The following USP54 variants were observed in gnomAD, a reference collection of about 807,000 sequenced individuals.
USP54 encodes ubiquitin specific peptidase 54.
USP54 carries 87 observed loss-of-function variants against 170.5 expected under a neutral mutation model. That is an observed-to-expected ratio of 0.51 (90% CI 0.43 to 0.61). USP54 has a LOEUF of 0.61. USP54 is among the 20% of genes least tolerant of loss of function. The probability of loss-of-function intolerance (pLI) is 0.00; values close to 1 mark genes in which losing one functional copy is unlikely to be tolerated. For synonymous variants in USP54, 655 were observed against 742.8 expected (o/e 0.88, Z 1.92); for missense variants, 1,786 against 2,047.8 (o/e 0.87, Z 2.47).
chr10:73,582,372 G>T (rs1321623007), intron 1 of USP54, among the ~76,000 whole-genome samples: 1 of 151,808 alleles, frequency 6.6e-6, no homozygotes, highest in African/African-American at 2.4e-5. Context: ...AGTGTGGGAA[G>T]TTTCTAAGGA....
At chr10:73,564,056 T>C (rs767938638) in intron 4 of USP54, among the ~76,000 whole-genome samples, 2 of 151,418 alleles carry the variant, frequency 1.3e-5, no homozygotes, top group African/African-American at 2.4e-5. Context: ...GGCTGGAGTA[T>C]AGTGGCACAA....
At position 73,498,179 on chromosome 10, in the gene USP54, C is replaced by G. The variant is rs1171751968; in HGVS notation, c.*450G>C. 6.5e-6 allele frequency: 1 copy of G among 152,862 alleles called. No individual in the cohort carries two copies. Among genetic ancestry groups the G allele is most frequent in the Non-Finnish European group, 1.5e-5 (1 of 68,600 alleles). The allele number at this position is 152,862 out of a possible 1,614,324, so 9.5% of individuals were successfully genotyped here. ...ACATCTTTTTAGAGGTTCCTGACAC[C>G]CTTAGGAGAACCCACCAATTCTATG... On this transcript the variant is annotated 3_prime_UTR_variant, in exon 24 of 24. Transcript: ENST00000687698.
chr10:73,621,236 GAA>G (rs796534655), intron 1 of USP54, among the ~76,000 whole-genome samples: 1 of 142,928 alleles, frequency 7.0e-6, no homozygotes. Flanking sequence ...AATATAGAGT[GAA>G]AAAAAAAACC....
intron 1 of USP54, among the ~76,000 whole-genome samples, chr10:73,587,264 G>A (rs1474140050): frequency 6.6e-6 from 1 of 152,032 alleles, no homozygotes; most frequent in Non-Finnish European, 1.5e-5. Flanking sequence ...ACAAGGTCAG[G>A]AGATCGAGAC....
chr10:73,572,211 T>C (rs1286545223), intron 3 of USP54, among the ~76,000 whole-genome samples: 2 of 152,108 alleles, frequency 1.3e-5, no homozygotes, highest in Non-Finnish European at 2.9e-5. Flanking sequence ...TGATCAGTAC[T>C]CCTCAAAACT....
intron 20 of USP54, among the ~76,000 whole-genome samples, chr10:73,511,622 T>C (rs2133239495): frequency 6.6e-6 from 1 of 151,856 alleles, no homozygotes; most frequent in East Asian, 2.0e-4. Flanking sequence ...GTTGTGCCAC[T>C]GCACTCCAGC....
Position 73,541,660 on chromosome 10 carries a change from G to T in USP54, c.651C>A (p.Ser217Arg). 1 of 1,614,120 alleles carries T rather than the reference G, an allele frequency of 6.2e-7. No homozygotes were observed. Among genetic ancestry groups the T allele is most frequent in the Non-Finnish European group, 8.5e-7 (1 of 1,180,028 alleles). Residue 217 changes from serine to arginine, a missense_variant, in exon 8 of 24, where the codon AGC (serine) becomes AGA (arginine). Ser to Arg is a moderately radical substitution (Grantham distance 110). Around this residue, in one of 3 missense-constraint regions of USP54, gnomAD observed 361 missense variants for 455.0 expected, o/e 0.79. Coordinates refer to ENST00000687698, the MANE Select transcript of USP54 (RefSeq NM_001391956.1). ...GACAGTTCCGCAGATCCCCCATGGTGCTGGCATTCTGCAGCAGCTCACCAA... is the reference window on the plus strand; with the variant it reads ...GACAGTTCCGCAGATCCCCCATGGTTCTGGCATTCTGCAGCAGCTCACCAA... ...SMFGELLQNASTMGDLRNCPS... is the reference protein window; with the variant it reads ...SMFGELLQNARTMGDLRNCPS...
At chr10:73,625,083 A>G (rs2081412588) in intron 1 of USP54, among the ~76,000 whole-genome samples, 1 of 152,158 alleles carries the variant, frequency 6.6e-6, no homozygotes, top group South Asian at 2.1e-4. Context: ...TCATAAGCAC[A>G]CCGTAAAGAA....
chr10:73,615,576 A>T (rs1013445007), intron 1 of USP54, among the ~76,000 whole-genome samples: 1 of 150,344 alleles, frequency 6.7e-6, no homozygotes, highest in Non-Finnish European at 1.5e-5. Context: ...CATCTCATGT[A>T]CCCAATAAAT....
chr10:73,612,098 C>T (rs1431267351), intron 1 of USP54, among the ~76,000 whole-genome samples: 3 of 152,018 alleles, frequency 2.0e-5, no homozygotes, highest in Admixed American at 6.6e-5. Flanking sequence ...GGAAAGAGTT[C>T]GACCCTGTCT....
chr10:73,529,369 A>G (rs1293441389), intron 15 of USP54: 1 of 375,182 alleles, frequency 2.7e-6, no homozygotes, highest in Non-Finnish European at 5.1e-6. Flanking sequence ...TGTGGGTAAC[A>G]AAATAATCTG....
rs564415928 is a variant in USP54 at position 73,562,546 on chromosome 10, T to C, written c.240+8875A>G. ...TATATATAAATGGAATCATGATTCA[T>C]ATAGTCTTCTATGACTTGCTTTTTT... On this transcript the variant is annotated intron_variant, in intron 4 of 23. Coordinates refer to ENST00000687698, the MANE Select transcript of USP54 (RefSeq NM_001391956.1). Among the ~76,000 whole-genome samples, 55 of 152,374 alleles carry C rather than the reference T, an allele frequency of 3.6e-4. 1 individual carries two copies. In the South Asian group the frequency reaches 0.011, roughly 30 times the overall value.
intron 4 of USP54, among the ~76,000 whole-genome samples, chr10:73,554,977 C>A (rs2070593629): frequency 6.6e-6 from 1 of 152,174 alleles, no homozygotes; most frequent in Non-Finnish European, 1.5e-5. Flanking sequence ...GTGGCATATG[C>A]CTGTAGTTTC....
intron 1 of USP54, among the ~76,000 whole-genome samples, chr10:73,603,759 C>G (rs978721790): frequency 3.4e-5 from 5 of 146,514 alleles, no homozygotes; most frequent in African/African-American, 1.0e-4. Context: ...AAAACAAAAA[C>G]AACAAAAAAA....
Position 73,516,917 on chromosome 10 carries a change from G to T in USP54, c.3509C>A (p.Pro1170His). The change falls in exon 20 of 24, where the codon CCT becomes CAT. Residue 1170 changes from proline (P) to histidine (H), a missense_variant. Physicochemically the swap from Pro to His is moderately conservative, Grantham distance 77 (BLOSUM62 -2). Coordinates refer to ENST00000687698, the MANE Select transcript of USP54 (RefSeq NM_001391956.1). ...RKNSSPSDSK[P>H]PFSQGQEKGH... ...TTTCTCTTGACCCTGTGAGAAAGGA[G>T]GCTTAGAATCAGAAGGGGAAGAGTT... is the stretch of plus-strand genomic sequence containing the variant. 1 of 1,614,234 alleles carries T rather than the reference G, an allele frequency of 6.2e-7. No homozygotes were observed. The highest frequency in any genetic ancestry group is 8.5e-7 in the Non-Finnish European group (1 of 1,180,044).
At chr10:73,602,335 G>A (rs1589381099) in intron 1 of USP54, among the ~76,000 whole-genome samples, 1 of 149,456 alleles carries the variant, frequency 6.7e-6, no homozygotes, top group Non-Finnish European at 1.5e-5. Context: ...GGCAGATCAC[G>A]AGGTCAGGAG....
intron 1 of USP54, among the ~76,000 whole-genome samples, chr10:73,581,440 G>A (rs2076897141): frequency 6.6e-6 from 1 of 152,146 alleles, no homozygotes; most frequent in South Asian, 2.1e-4. Context: ...TTTTTGCAGT[G>A]CCTCACATCC....
intron 4 of USP54, among the ~76,000 whole-genome samples, chr10:73,557,878 C>CTTTTTTTTTTTTTTTTT (rs765656681): frequency 8.7e-6 from 1 of 114,988 alleles, no homozygotes; most frequent in Non-Finnish European, 1.8e-5. Flanking sequence ...AGCTATTATT[C>CTTTTTTTTTTTTTTTTT]TTTTTTTTTT....
At chr10:73,607,452 T>TTGAAGTC (rs1195925332) in intron 1 of USP54, among the ~76,000 whole-genome samples, 1 of 152,170 alleles carries the variant, frequency 6.6e-6, no homozygotes, top group African/African-American at 2.4e-5. Context: ...TATACAAAGT[T>TTGAAGTC]TGAAGTCTGC....
Sources: gnomAD v4.1 joint callset for allele counts (sites outside exome capture counted in the v4.1 genomes callset) on GRCh38, gnomAD v4.1.1 for gene constraint, gnomAD v4.1.1 regional missense constraint, MANE v1.5 for transcripts, NCBI Gene and HGNC (gene_info 2026-07-23, HGNC 2026-07-21) for gene names.